SNRPA: variants seen among roughly 807,000 people sequenced by gnomAD.
SNRPA encodes small nuclear ribonucleoprotein polypeptide A, also known as U1 small nuclear ribonucleoprotein A.
A neutral mutation model predicts 24.5 loss-of-function variants in SNRPA; 10 were observed. That is an observed-to-expected ratio of 0.41 (90% CI 0.25 to 0.69). The LOEUF (loss-of-function observed/expected upper bound fraction) is 0.69. Ranked by LOEUF, SNRPA falls within the 30% of genes least tolerant of loss-of-function variation. The pLI, the probability that SNRPA is intolerant of heterozygous loss-of-function variation, is 0.33. For synonymous variants in SNRPA, 165 were observed against 148.4 expected (o/e 1.11, Z -0.81); for missense variants, 283 against 394.7 (o/e 0.72, Z 2.40).
chr19:40,763,260 G>A (rs2082940796), intron 4 of SNRPA, 186 bp downstream of exon 4: 1 of 602,382 alleles, frequency 1.7e-6, no homozygotes, highest in Non-Finnish European at 2.9e-6. Flanking sequence ...TGGTTGGAGG[G>A]TACGGAAGGT....
At chr19:40,752,204 G>C (rs2082877878) in intron 1 of SNRPA, among the ~76,000 whole-genome samples, 1 of 152,032 alleles carries the variant, frequency 6.6e-6, no homozygotes, top group East Asian at 1.9e-4. Context: ...GGGCATGGTG[G>C]CGCATGCCTA....
chr19:40,762,647 T>C (rs2082937581), intron 3 of SNRPA, among the ~76,000 whole-genome samples: 1 of 152,186 alleles, frequency 6.6e-6, no homozygotes, highest in South Asian at 2.1e-4. Context: ...CAGAGCTCAC[T>C]GCATGCAGTC....
Position 40,762,995 on chromosome 19 carries a change from G to T in SNRPA, c.521G>T (p.Gly174Val), listed in dbSNP as rs761443984. 3 of 1,612,304 alleles carry T rather than the reference G, an allele frequency of 1.9e-6. No homozygotes were observed. The change falls in exon 4 of 6, where the codon GGC becomes GTC. Residue 174 changes from glycine (G) to valine (V), a missense_variant. Around this residue, in one of 6 missense-constraint regions of SNRPA, gnomAD observed 167 missense variants for 174.3 expected, o/e 0.96. Transcript: ENST00000243563. Reference sequence around the variant, plus strand: ...CCCCCTGGTATGATCCCCCCGCCAGGCCTTGCACCTGGCCAGATCCCACCA... The same window carrying T: ...CCCCCTGGTATGATCCCCCCGCCAGTCCTTGCACCTGGCCAGATCCCACCA... ...MPPPGMIPPPGLAPGQIPPGA... is the reference protein window; with the variant it reads ...MPPPGMIPPPVLAPGQIPPGA...
intron 3 of SNRPA, among the ~76,000 whole-genome samples, chr19:40,761,468 T>TA (rs2082932332): frequency 9.1e-6 from 1 of 110,222 alleles, no homozygotes; most frequent in Non-Finnish European, 1.9e-5. Context: ...CTTTTTTTTT[T>TA]TTTTTTTTTT....
In SNRPA at chr19:40,759,522, C is replaced by T. The variant is rs777699006; in HGVS notation, c.338C>T (p.Pro113Leu). The T allele has an allele frequency of 1.2e-6, 2 of 1,613,820 alleles. No homozygotes were observed. Among genetic ancestry groups the T allele is most frequent in the South Asian group, 2.2e-5 (2 of 91,072 alleles). The stretch of plus-strand genomic sequence containing the variant: ...GACCGCAAGCGGGAGAAGAGGAAGC[C>T]CAAGAGCCAGGAGACCCCGGCCACC... ...ERDRKREKRK[P>L]KSQETPATKK... Residue 113 changes from proline to leucine, a missense_variant, in exon 3 of 6, where the codon CCC becomes CTC. Pro to Leu is a moderately conservative substitution (Grantham distance 98). Around this residue, in one of 6 missense-constraint regions of SNRPA, gnomAD observed 167 missense variants for 174.3 expected, o/e 0.96. Coordinates refer to ENST00000243563, the MANE Select transcript of SNRPA (RefSeq NM_004596.5).
Position 40,751,362 on chromosome 19 carries a change from A to G in SNRPA, c.-47A>G. 6.9e-7 allele frequency: 1 copy of G among 1,439,718 alleles called. No individual in the cohort carries two copies. The allele number at this position is 1,439,718 out of a possible 1,614,324, so 89.2% of individuals were successfully genotyped here. A position where few individuals can be genotyped will look rare whatever the true frequency, so the allele number is the denominator to read the frequency against. ...AAAGGATTTGGAGAAACCCAGGGCT[A>G]AAGTCACGTTTTTCCTCCTTTAAGA... On this transcript the variant is annotated 5_prime_UTR_variant, in exon 1 of 6. Coordinates refer to ENST00000243563, the MANE Select transcript of SNRPA (RefSeq NM_004596.5).
At chr19:40,756,269 T>TAAAA (rs113404478) in intron 1 of SNRPA, among the ~76,000 whole-genome samples, 1 of 142,234 alleles carries the variant, frequency 7.0e-6, no homozygotes, top group African/African-American at 2.6e-5. Context: ...ATTCTGTCTT[T>TAAAA]AAAAAAAAAA....
At chr19:40,758,323 G>A (rs2082917182) in intron 2 of SNRPA, among the ~76,000 whole-genome samples, 1 of 152,098 alleles carries the variant, frequency 6.6e-6, no homozygotes, top group Admixed American at 6.6e-5. Context: ...AGGGGTTTTT[G>A]TCTATTTTGT....
At position 40,759,462 on chromosome 19, in the gene SNRPA, T is replaced by C; in HGVS notation, c.278T>C (p.Ile93Thr). ...CAGTATGCCAAGACCGACTCAGATA[T>C]CATTGCCAAGATGAAAGGCACCTTC... ...RIQYAKTDSD[I>T]IAKMKGTFVE... is the part of the protein sequence containing the mutation. The change falls in exon 3 of 6, where the codon ATC becomes ACC. Residue 93 changes from isoleucine to threonine, a missense_variant. Ile to Thr is a moderately conservative substitution (Grantham distance 89). Around this residue, in one of 6 missense-constraint regions of SNRPA, gnomAD observed 167 missense variants for 174.3 expected, o/e 0.96. Coordinates refer to ENST00000243563, the MANE Select transcript of SNRPA (RefSeq NM_004596.5). 1 of 1,613,490 alleles carries C rather than the reference T, an allele frequency of 6.2e-7. No individual in the cohort carries two copies. Among genetic ancestry groups the C allele is most frequent in the African/African-American group, 1.3e-5 (1 of 74,822 alleles).
intron 2 of SNRPA, among the ~76,000 whole-genome samples, chr19:40,757,709 G>A (rs923881723): frequency 6.6e-6 from 1 of 151,848 alleles, no homozygotes; most frequent in Non-Finnish European, 1.5e-5. Flanking sequence ...TTGGGAGGCC[G>A]AGGCAGGTGG....
At chr19:40,763,729 C>A in intron 5 of SNRPA, 54 bp downstream of exon 5, 1 of 1,432,030 alleles carries the variant, frequency 7.0e-7, no homozygotes, top group South Asian at 1.1e-5. Flanking sequence ...CAGGAGGCAT[C>A]TCCATGGAAA....
chr19:40,764,805 GT>G (rs2082947439), intron 5 of SNRPA, among the ~76,000 whole-genome samples: 1 of 152,176 alleles, frequency 6.6e-6, no homozygotes, highest in African/African-American at 2.4e-5. Context: ...GGGTGTTTGT[GT>G]TTAAATTTTT....
At chr19:40,758,086 C>T (rs1347468843) in intron 2 of SNRPA, among the ~76,000 whole-genome samples, 1 of 151,918 alleles carries the variant, frequency 6.6e-6, no homozygotes. Flanking sequence ...CCTGCCTCAG[C>T]CTCCTGAGTA....
At chr19:40,764,722 C>A (rs1030694904) in intron 5 of SNRPA, among the ~76,000 whole-genome samples, 14 of 151,934 alleles carry the variant, frequency 9.2e-5, no homozygotes, top group African/African-American at 2.4e-4. Flanking sequence ...TTTGGTGTGG[C>A]GGGTGGGTTA....
At chr19:40,753,229 C>G (rs979835069) in intron 1 of SNRPA, among the ~76,000 whole-genome samples, 1 of 151,370 alleles carries the variant, frequency 6.6e-6, no homozygotes, top group Non-Finnish European at 1.5e-5. Context: ...GCGGTGCGCA[C>G]CTACAGTCCC....
chr19:40,751,425 C>T lies in SNRPA; in HGVS notation c.17C>T (p.Thr6Ile). The stretch of plus-strand genomic sequence containing the variant: ...CTTCACTCCATGGCAGTTCCCGAGA[C>T]CCGCCCTAACCACACTATTTATATC... MAVPE[T>I]RPNHTIYINN... The change falls in exon 1 of 6, where the codon ACC becomes ATC. Residue 6 changes from threonine to isoleucine, a missense_variant. This residue lies in a region of SNRPA where 32 missense variants were observed against 26.8 expected (regional missense o/e 1.19). Coordinates refer to ENST00000243563, the MANE Select transcript of SNRPA (RefSeq NM_004596.5). 6.2e-7 allele frequency: 1 copy of T among 1,613,180 alleles called. No homozygotes were observed. Among genetic ancestry groups the T allele is most frequent in the Non-Finnish European group, 8.5e-7 (1 of 1,179,198 alleles).
At chr19:40,759,633 A>C (rs1599728580) in intron 3 of SNRPA, 23 bp downstream of exon 3, 8 of 1,577,430 alleles carry the variant, frequency 5.1e-6, no homozygotes, top group Non-Finnish European at 6.9e-6. Flanking sequence ...CCGGAGACCA[A>C]CCCTCCCACT....
Position 40,751,638 on chromosome 19 carries a change from A to G in SNRPA, c.73+157A>G, listed in dbSNP as rs1263387245. On this transcript the variant is annotated intron_variant, in intron 1 of 5. Transcript: ENST00000243563. ...AACTACTTCCTGTCTTCAACACTCC[A>G]TTAGTTCATCTTACACTCTGCCCTT... 4.6e-6 allele frequency: 3 copies of G among 656,418 alleles called. No homozygotes were observed. The Admixed American group carries it at 6.7e-5, about 15-fold the overall frequency. The allele number at this position is 656,418 out of a possible 1,614,324, so 40.7% of individuals were successfully genotyped here.
At chr19:40,759,338 C>T (rs1418262683) in intron 2 of SNRPA, 93 bp from the exon 3 acceptor site, 4 of 1,252,808 alleles carry the variant, frequency 3.2e-6, no homozygotes, top group East Asian at 2.6e-5. Flanking sequence ...GCATGAGCCG[C>T]AGCACCTGGC....
Sources: gnomAD v4.1 joint callset for allele counts (sites outside exome capture counted in the v4.1 genomes callset) on GRCh38, gnomAD v4.1.1 for gene constraint, gnomAD v4.1.1 regional missense constraint, MANE v1.5 for transcripts, NCBI Gene and HGNC (gene_info 2026-07-23, HGNC 2026-07-21) for gene names.